Variants in EPHA2 observed in about 807,000 individuals in gnomAD.
The protein encoded by EPHA2 is EPH receptor A2, also known as ephrin type-A receptor 2.
EPHA2 carries 54 observed loss-of-function variants against 104.9 expected under a neutral mutation model. The observed-to-expected ratio is 0.51, with a 90% confidence interval of 0.41 to 0.65. EPHA2 has a LOEUF of 0.65. EPHA2 is among the 30% of genes least tolerant of loss of function. EPHA2 has a pLI of 0.00. For missense variants in EPHA2, 1,117 were observed against 1,369.5 expected, an observed-to-expected ratio of 0.82 and a Z score of 2.91; for synonymous variants, 560 against 559.1, an observed-to-expected ratio of 1.00 and a Z score of -0.02.
At chr1:16,146,746 G>A (rs1195645930) in intron 3 of EPHA2, among the ~76,000 whole-genome samples, 1 of 152,206 alleles carries the variant, frequency 6.6e-6, no homozygotes, top group Non-Finnish European at 1.5e-5. Context: ...TGTTAAGTAA[G>A]GTTCTGAGGA....
chr1:16,146,634 G>A (rs2024940245), intron 3 of EPHA2, among the ~76,000 whole-genome samples: 1 of 152,260 alleles, frequency 6.6e-6, no homozygotes, highest in African/African-American at 2.4e-5. Context: ...AGGGGAGCTG[G>A]GAAGACAAGG....
intron 3 of EPHA2, among the ~76,000 whole-genome samples, chr1:16,147,965 G>A (rs1164795694): frequency 1.3e-5 from 2 of 151,406 alleles, no homozygotes; most frequent in South Asian, 4.2e-4. Context: ...TCCACCTCCC[G>A]GGTTCAAGCA....
chr1:16,148,418 C>T lies in EPHA2; in HGVS notation c.783G>A (p.Leu261=), dbSNP rs2124260206. The change falls in exon 3 of 17, where the codon CTG becomes CTA. Residue 261 remains leucine (L), a synonymous_variant. Coordinates refer to ENST00000358432, the MANE Select transcript of EPHA2 (RefSeq NM_004431.5). The surrounding 1 kb of genome is among the most constrained non-coding windows in gnomAD (Gnocchi z 4.9). ...CCACCTTCTCGTAGCCTGCCTGGCA[C>T]AGGCACTGCCCAATGGGCACCAGCC... is the stretch of plus-strand genomic sequence containing the variant. ...GEWLVPIGQC[L]CQAGYEKVED... 1 of 1,613,590 alleles carries T rather than the reference C, an allele frequency of 6.2e-7. No individual in the cohort carries two copies. The highest frequency in any genetic ancestry group is 8.5e-7 in the Non-Finnish European group (1 of 1,180,036).
chr1:16,137,522 C>T lies in EPHA2; in HGVS notation c.1312+331G>A, dbSNP rs550384723. Among the ~76,000 whole-genome samples, 79 of 152,182 alleles carry T rather than the reference C, an allele frequency of 5.2e-4. 1 individual carries two copies. In the South Asian group the frequency reaches 8.3e-3, roughly 16 times the overall value. On this transcript the variant is annotated intron_variant, in intron 5 of 16. Coordinates refer to ENST00000358432, the MANE Select transcript of EPHA2 (RefSeq NM_004431.5). ...CTGAGGCAGGAGAATTGCTTGAACCCGGAAGGCAGAGGTTGCAGTGAGCCG... is the reference window on the plus strand; with the variant it reads ...CTGAGGCAGGAGAATTGCTTGAACCTGGAAGGCAGAGGTTGCAGTGAGCCG...
chr1:16,141,136 C>G (rs1050069590), intron 3 of EPHA2, among the ~76,000 whole-genome samples: 2 of 152,328 alleles, frequency 1.3e-5, no homozygotes, highest in Admixed American at 1.3e-4. Flanking sequence ...TGACCCACTT[C>G]AAAAGCCAGA....
In EPHA2 at chr1:16,133,167, C is replaced by T. The variant is rs769132873; in HGVS notation, c.2053+13G>A. On this transcript the variant is annotated intron_variant, in intron 11 of 16. Transcript: ENST00000358432. Reference sequence around the variant, plus strand: ...CCCCTCTCCACCCAGTGTGGGCAGGCCCCAAGCCTCACATTTGGAGATGAC... The same window carrying T: ...CCCCTCTCCACCCAGTGTGGGCAGGTCCCAAGCCTCACATTTGGAGATGAC... The T allele has an allele frequency of 3.7e-6, 6 of 1,612,760 alleles. No homozygotes were observed. Among genetic ancestry groups the T allele is most frequent in the Middle Eastern group, 1.7e-4 (1 of 6,058 alleles).
Position 16,129,455 on chromosome 1 carries a change from T to G in EPHA2, c.2804A>C (p.Lys935Thr). ...TTACTCGTTGGTCATCTGCACCACC[T>G]TCTCGATGGCAGTGTAGCCGGCCGC... ...FMAAGYTAIE[K>T]VVQMTNDDIK... is the part of the protein sequence containing the mutation. Residue 935 changes from lysine to threonine, a missense_variant, in exon 16 of 17, where the codon AAG becomes ACG. Around this residue, in one of 3 missense-constraint regions of EPHA2, gnomAD observed 340 missense variants for 480.5 expected, o/e 0.71. Transcript: ENST00000358432. 2 of 1,613,612 alleles carry G rather than the reference T, an allele frequency of 1.2e-6. No homozygotes were observed. The highest frequency in any genetic ancestry group is 1.7e-6 in the Non-Finnish European group (2 of 1,180,000).
At chr1:16,126,675 G>T (rs992163395) in intron 16 of EPHA2, among the ~76,000 whole-genome samples, 2 of 152,204 alleles carry the variant, frequency 1.3e-5, no homozygotes, top group Admixed American at 6.5e-5. Context: ...CTGGAAAAGC[G>T]CTCAGACCAC....
chr1:16,129,412 G>T (rs1339600015), intron 16 of EPHA2, 22 bp downstream of exon 16: 6 of 1,609,192 alleles, frequency 3.7e-6, no homozygotes, highest in Non-Finnish European at 4.2e-6. Flanking sequence ...GGCGAGGGGG[G>T]ACGGAAAGGG....
rs948499370 is a variant in EPHA2, at chr1:16,135,303, T to A, written c.1429-114A>T. The A allele has an allele frequency of 3.6e-6, 5 of 1,380,772 alleles. No homozygotes were observed. Among genetic ancestry groups the A allele is most frequent in the Middle Eastern group, 2.5e-4 (1 of 4,040 alleles). 85.5% of individuals were successfully genotyped at this position (1,380,772 alleles called of 1,614,324 possible). A position where few individuals can be genotyped will look rare whatever the true frequency, so the allele number is the denominator to read the frequency against. ...AGGTGGCTTGCCTTTGTTAGCAAAC[T>A]TGAGGCTCTTCTTACAGAGGAGGAA... is the stretch of plus-strand genomic sequence containing the variant. On this transcript the variant is annotated intron_variant, in intron 6 of 16. Coordinates refer to ENST00000358432, the MANE Select transcript of EPHA2 (RefSeq NM_004431.5). This position sits in a 1 kb window ranked among gnomAD's most constrained non-coding sequence, Gnocchi z 4.3.
chr1:16,143,615 C>T (rs994465302), intron 3 of EPHA2, among the ~76,000 whole-genome samples: 5 of 152,128 alleles, frequency 3.3e-5, no homozygotes, highest in Middle Eastern at 3.2e-3. Flanking sequence ...CTTATCGTGA[C>T]GCAAGTCCAG....
Position 16,130,512 on chromosome 1 carries a change from G to A in EPHA2, c.2476-93C>T. On this transcript the variant is annotated intron_variant, in intron 14 of 16. Transcript: ENST00000358432. This position sits in a 1 kb window ranked among gnomAD's most constrained non-coding sequence, Gnocchi z 4.5. Reference sequence around the variant, plus strand: ...TATGGAGGTGGGCAGGGGAGGGGAGGGGAACAGGAACATCCCAGAAACAGA... The same window carrying A: ...TATGGAGGTGGGCAGGGGAGGGGAGAGGAACAGGAACATCCCAGAAACAGA... 4.7e-6 allele frequency: 6 copies of A among 1,288,468 alleles called. No homozygotes were observed. The highest frequency in any genetic ancestry group is 6.3e-6 in the Non-Finnish European group (6 of 955,352). 79.8% of individuals were successfully genotyped at this position (1,288,468 alleles called of 1,614,324 possible).
chr1:16,150,908 C>T lies in EPHA2; in HGVS notation c.141G>A (p.Pro47=), dbSNP rs370213656. 62 of 1,613,992 alleles carry T rather than the reference C, an allele frequency of 3.8e-5. No homozygotes were observed. Among genetic ancestry groups the T allele is most frequent in the Non-Finnish European group, 4.8e-5 (57 of 1,180,016 alleles). The change falls in exon 2 of 17, where the codon CCG becomes CCA. Residue 47 remains proline, a synonymous_variant. Transcript: ENST00000358432. This position sits in a 1 kb window ranked among gnomAD's most constrained non-coding sequence, Gnocchi z 4.8. The part of the protein sequence containing the change: ...AGGELGWLTH[P]YGKGWDLMQN... ...AAGGCTTACATACCCCTTTGCCATA[C>T]GGGTGTGTGAGCCAGCCGAGCTCCC...
At chr1:16,144,367 C>T (rs1425885886) in intron 3 of EPHA2, among the ~76,000 whole-genome samples, 2 of 152,204 alleles carry the variant, frequency 1.3e-5, no homozygotes, top group East Asian at 1.9e-4. Flanking sequence ...CTGCGAGCCA[C>T]AGCCAGCAGC....
In EPHA2 at chr1:16,128,765, G is replaced by T. The variant is rs1570394500; in HGVS notation, c.2825+669C>A. 6.6e-6 allele frequency among the ~76,000 whole-genome samples: 1 copy of T among 152,188 alleles called. No individual in the cohort carries two copies. The highest frequency in any genetic ancestry group is 2.4e-5 in the African/African-American group (1 of 41,444). ...AGCTTGACAAAGGGGCAAACCCAGG[G>T]CCAGCAGAGAGTAAGTGGCACTTCT... On this transcript the variant is annotated intron_variant, in intron 16 of 16. Transcript: ENST00000358432. The surrounding 1 kb of genome is among the most constrained non-coding windows in gnomAD (Gnocchi z 4.7).
intron 1 of EPHA2, 147 bp downstream of exon 1, chr1:16,155,701 G>T: frequency 1.7e-6 from 1 of 594,702 alleles, no homozygotes; most frequent in Non-Finnish European, 2.6e-6. Flanking sequence ...GGCTCGCCTC[G>T]ATCGCAGCCC....
chr1:16,152,987 C>T (rs1422527563), intron 1 of EPHA2, among the ~76,000 whole-genome samples: 6 of 152,318 alleles, frequency 3.9e-5, no homozygotes, highest in Admixed American at 3.9e-4. Context: ...CCAGGTTCTT[C>T]CAGGGACAGA....
At chr1:16,144,546 C>T (rs556757269) in intron 3 of EPHA2, among the ~76,000 whole-genome samples, 1 of 152,206 alleles carries the variant, frequency 6.6e-6, no homozygotes, top group South Asian at 2.1e-4. Context: ...GCCACTGGGG[C>T]TGTAAGCAGT....
In EPHA2 at chr1:16,156,054, G is replaced by C. The variant is rs1389695873; in HGVS notation, c.-122C>G. The C allele has an allele frequency of 1.1e-5, 8 of 750,650 alleles. No homozygotes were observed. In the African/African-American group the frequency reaches 1.5e-4, roughly 14 times the overall value. 46.5% of individuals were successfully genotyped at this position (750,650 alleles called of 1,614,324 possible). ...CCTGCGCGCAACTTCTGCCCCTCCT[G>C]CCCCGAGTCCTTAATGGAAGTTGGG... is the stretch of plus-strand genomic sequence containing the variant. On this transcript the variant is annotated 5_prime_UTR_variant, in exon 1 of 17. Transcript: ENST00000358432.
Sources: gnomAD v4.1 joint callset for allele counts (sites outside exome capture counted in the v4.1 genomes callset) on GRCh38, gnomAD v4.1.1 for gene constraint, gnomAD v4.1.1 regional missense constraint, Gnocchi (gnomAD v3.1) non-coding constraint, MANE v1.5 for transcripts, NCBI Gene and HGNC (gene_info 2026-07-23, HGNC 2026-07-21) for gene names.